The following FBXO47 variants were observed in gnomAD, a reference collection of about 807,000 sequenced individuals.
FBXO47 encodes the protein F-box only protein 47.
Under a neutral mutation model 53.9 loss-of-function variants are expected in FBXO47, and 34 were observed. That is an observed-to-expected ratio of 0.63 (90% CI 0.48 to 0.84). The LOEUF is 0.84. Ranked by LOEUF, FBXO47 falls within the 40% of genes least tolerant of loss-of-function variation. The pLI is 0.00. For missense variants in FBXO47, 485 were observed against 541.3 expected, an observed-to-expected ratio of 0.90 and a Z score of 1.03; for synonymous variants, 165 against 181.6, an observed-to-expected ratio of 0.91 and a Z score of 0.73.
chr17:38,946,315 A>G (rs1376077475), intron 6 of FBXO47, among the ~76,000 whole-genome samples: 1 of 86,410 alleles, frequency 1.2e-5, no homozygotes, highest in Non-Finnish European at 1.9e-5. Context: ...TAAATATATA[A>G]ATATATATAA....
At chr17:38,953,369 A>G (rs1436978136) in intron 5 of FBXO47, among the ~76,000 whole-genome samples, 3 of 151,904 alleles carry the variant, frequency 2.0e-5, no homozygotes, top group Non-Finnish European at 4.4e-5. Context: ...TAATGTCTGT[A>G]ATCCCAGCAC....
intron 6 of FBXO47, among the ~76,000 whole-genome samples, chr17:38,948,923 C>G (rs1470868278): frequency 6.6e-6 from 1 of 151,992 alleles, no homozygotes; most frequent in East Asian, 1.9e-4. Flanking sequence ...GCCCCCATCA[C>G]CTAGATATTA....
chr17:38,939,166 A>G (rs1195708409), intron 9 of FBXO47, among the ~76,000 whole-genome samples: 3 of 149,294 alleles, frequency 2.0e-5, no homozygotes, highest in Non-Finnish European at 4.4e-5. Context: ...GGTAGCGAGC[A>G]CCTATAATCC....
intron 6 of FBXO47, among the ~76,000 whole-genome samples, chr17:38,951,337 G>C (rs1174749856): frequency 6.6e-6 from 1 of 151,994 alleles, no homozygotes; most frequent in Non-Finnish European, 1.5e-5. Flanking sequence ...TGGGACCACA[G>C]GCACACACCA....
At position 38,951,688 on chromosome 17, in the gene FBXO47, G is replaced by T. The variant is rs770456479; in HGVS notation, c.509C>A (p.Thr170Asn). The T allele has an allele frequency of 6.2e-7, 1 of 1,605,692 alleles. No homozygotes were observed. The highest frequency in any genetic ancestry group is 1.1e-5 in the South Asian group (1 of 90,524). ...GLTCYGMFLQ[T>N]LTAGWDELEC... ...AAGTTCATCCCAACCTGCTGTTAAG[G>T]TCTGAGGAAAATAAAGAAAACATTG... The change falls in exon 6 of 11, where the codon ACC becomes AAC. Residue 170 changes from threonine (T) to asparagine (N), a missense_variant and splice_region_variant. Physicochemically the swap from Thr to Asn is moderately conservative, Grantham distance 65. Coordinates refer to ENST00000378079, the MANE Select transcript of FBXO47 (RefSeq NM_001008777.3).
intron 2 of FBXO47, 32 bp from the exon 3 acceptor site, chr17:38,962,079 A>C: frequency 6.5e-7 from 1 of 1,547,100 alleles, no homozygotes; most frequent in Non-Finnish European, 8.8e-7. Flanking sequence ...TGTATGTATC[A>C]ATGGCTTAAA....
intron 4 of FBXO47, among the ~76,000 whole-genome samples, chr17:38,956,364 G>A (rs1964079656): frequency 6.6e-6 from 1 of 152,054 alleles, no homozygotes; most frequent in South Asian, 2.1e-4. Context: ...AAGGTGGGCA[G>A]ATCACCTGAG....
At chr17:38,948,630 CTTCA>C (rs1406633335) in intron 6 of FBXO47, among the ~76,000 whole-genome samples, 3 of 152,170 alleles carry the variant, frequency 2.0e-5, no homozygotes, top group Non-Finnish European at 2.9e-5. Context: ...TATATCAGCA[CTTCA>C]TTCTTTTTTT....
At chr17:38,966,814 G>A (rs1052685891) in intron 1 of FBXO47, among the ~76,000 whole-genome samples, 1 of 152,064 alleles carries the variant, frequency 6.6e-6, no homozygotes, top group Admixed American at 6.6e-5. Flanking sequence ...AAATTCTAAA[G>A]GTATAATCCT....
intron 6 of FBXO47, among the ~76,000 whole-genome samples, chr17:38,947,777 G>A (rs1399276890): frequency 6.6e-6 from 1 of 152,042 alleles, no homozygotes; most frequent in Non-Finnish European, 1.5e-5. Flanking sequence ...GGGTGTGGTG[G>A]CGGGCACCTG....
chr17:38,950,326 A>C (rs1046971328), intron 6 of FBXO47, among the ~76,000 whole-genome samples: 1 of 151,926 alleles, frequency 6.6e-6, no homozygotes, highest in African/African-American at 2.4e-5. Flanking sequence ...TTCAAGGTTC[A>C]TCCATGTTGC....
chr17:38,964,949 C>G (rs983688024), intron 1 of FBXO47, among the ~76,000 whole-genome samples: 4 of 152,058 alleles, frequency 2.6e-5, no homozygotes, highest in African/African-American at 9.7e-5. Context: ...TCCCAAGTAG[C>G]TGGGATTACA....
chr17:38,939,293 CA>C (rs1218321299), intron 9 of FBXO47, among the ~76,000 whole-genome samples: 87 of 34,732 alleles, frequency 2.5e-3, no homozygotes, highest in East Asian at 4.9e-3. Context: ...ACTCCATCTC[CA>C]AAAAAAAAAA....
chr17:38,963,509 G>C (rs552708139), intron 1 of FBXO47, among the ~76,000 whole-genome samples: 1 of 151,962 alleles, frequency 6.6e-6, no homozygotes, highest in Non-Finnish European at 1.5e-5. Context: ...AATTTAAATA[G>C]TTTTAAAGTC....
chr17:38,951,716 G>A, intron 5 of FBXO47, 27 bp from the exon 6 acceptor site: 5 of 1,516,854 alleles, frequency 3.3e-6, no homozygotes, highest in Non-Finnish European at 4.6e-6. Context: ...AAACATTGTG[G>A]ATATTCAGAC....
At chr17:38,960,263 T>C (rs894635947) in intron 3 of FBXO47, among the ~76,000 whole-genome samples, 66 of 150,186 alleles carry the variant, frequency 4.4e-4, no homozygotes, top group African/African-American at 1.4e-3. Context: ...CAAGATCCCA[T>C]CTCAAAAAAA....
intron 4 of FBXO47, among the ~76,000 whole-genome samples, chr17:38,956,066 G>A (rs948049027): frequency 6.6e-6 from 1 of 151,468 alleles, no homozygotes; most frequent in Non-Finnish European, 1.5e-5. Context: ...AACCTGGGAG[G>A]TGGAGCTTGC....
At position 38,938,682 on chromosome 17, in the gene FBXO47, T is replaced by C. The variant is rs1674106142; in HGVS notation, c.1134A>G (p.Gln378=). The change falls in exon 10 of 11, where the codon CAA becomes CAG. Residue 378 remains glutamine (Q), a synonymous_variant. Coordinates refer to ENST00000378079, the MANE Select transcript of FBXO47 (RefSeq NM_001008777.3). ...YCMDWTVKMM[Q]KVCKVFSTPV... ...GAGTGCTAAAGACTTTGCAGACTTT[T>C]TGCATCATTTTAACTGTCCAATCCA... 1 of 1,613,464 alleles carries C rather than the reference T, an allele frequency of 6.2e-7. No individual in the cohort carries two copies. Among genetic ancestry groups the C allele is most frequent in the African/African-American group, 1.3e-5 (1 of 74,916 alleles).
rs71300085 is a variant in FBXO47 at position 38,944,848 on chromosome 17, A to ATGTGTGTG, written c.793+104_793+111dup. On this transcript the variant is annotated intron_variant, in intron 7 of 10. Coordinates refer to ENST00000378079, the MANE Select transcript of FBXO47 (RefSeq NM_001008777.3). ...ATCGCACCACTGTGTGCGTGCATGCATGTGTGTGTGTGTGTGTGTGTGTAT... is the reference window on the plus strand; with the variant it reads ...ATCGCACCACTGTGTGCGTGCATGCATGTGTGTGTGTGTGTGTGTGTGTGTGTGTGTAT... 8.2e-3 allele frequency: 5,057 copies of ATGTGTGTG among 616,758 alleles called. 175 individuals are homozygous for ATGTGTGTG. The African/African-American group carries it at 0.086, about 10-fold the overall frequency. 38.2% of individuals were successfully genotyped at this position (616,758 alleles called of 1,614,324 possible).
Sources: allele counts gnomAD v4.1 joint callset (sites outside exome capture counted in the v4.1 genomes callset), GRCh38; gene constraint gnomAD v4.1.1; transcripts MANE v1.5; gene names NCBI Gene and HGNC (gene_info 2026-07-23, HGNC 2026-07-21).